The following OTOF variants were observed in gnomAD, a reference collection of about 807,000 sequenced individuals.
The protein encoded by OTOF is fer-1-like family member 2.
In OTOF, 218 loss-of-function variants were observed where a neutral mutation model predicts 236.8. The observed-to-expected ratio is 0.92, with a 90% CI of 0.82 to 1.03. The LOEUF (loss-of-function observed/expected upper bound fraction) is 1.03, where lower values mean the gene tolerates loss of function less well. Ranked by LOEUF, OTOF falls within the 50% of genes least tolerant of loss-of-function variation. The pLI, the probability that OTOF is intolerant of heterozygous loss-of-function variation, is 0.00. For missense variants in OTOF, 2,590 were observed against 2,694.4 expected (o/e 0.96, Z 0.86); for synonymous variants, 1,041 against 1,072.5 (o/e 0.97, Z 0.57).
chr2:26,479,411 G>C, intron 17 of OTOF, 27 bp from the exon 18 acceptor site: 1 of 1,610,598 alleles, frequency 6.2e-7, no homozygotes, highest in East Asian at 2.2e-5. Context: ...CGGGAGGTGA[G>C]GTCTTGGGGG....
intron 2 of OTOF, among the ~76,000 whole-genome samples, chr2:26,533,341 G>A (rs58356877): frequency 0.018 from 2,807 of 152,224 alleles, 75 homozygotes; most frequent in African/African-American, 0.058. Flanking sequence ...GGAAAGAGAC[G>A]GATTTGCAAG....
At chr2:26,557,682 G>A (rs192840471) in intron 1 of OTOF, among the ~76,000 whole-genome samples, 11 of 152,012 alleles carry the variant, frequency 7.2e-5, no homozygotes, top group Admixed American at 5.9e-4. Context: ...CTGGTCCTTC[G>A]GGTATTAGCT....
In OTOF at chr2:26,479,338, T is replaced by C. The variant is rs1236714771; in HGVS notation, c.2140A>G (p.Ile714Val). 2 of 1,612,652 alleles carry C rather than the reference T, an allele frequency of 1.2e-6. No individual in the cohort carries two copies. The highest frequency in any genetic ancestry group is 1.3e-5 in the African/African-American group (1 of 74,908). ...CGCTGGTCCGGCCACCAGCTCTTGA[T>C]GTAGATGCAGGGCTTTCGCTCCAGG... ...PYLERKPCIY[I>V]KSWWPDQRRR... The change falls in exon 18 of 47, where the codon ATC becomes GTC. Residue 714 changes from isoleucine (I) to valine (V), a missense_variant. By Grantham distance (29) the Ile-to-Val change is conservative. Coordinates refer to ENST00000272371, the MANE Select transcript of OTOF (RefSeq NM_194248.3).
At chr2:26,503,533 G>C (rs921248250) in intron 6 of OTOF, among the ~76,000 whole-genome samples, 3 of 152,254 alleles carry the variant, frequency 2.0e-5, no homozygotes, top group Non-Finnish European at 4.4e-5. Flanking sequence ...AGGAAGAACC[G>C]GGAGCAACGA....
intron 46 of OTOF, among the ~76,000 whole-genome samples, chr2:26,458,556 T>TG (rs1194630335): frequency 6.6e-6 from 1 of 152,196 alleles, no homozygotes; most frequent in East Asian, 1.9e-4. Flanking sequence ...ACGTCCTTGG[T>TG]AAGACTGGTG....
intron 3 of OTOF, among the ~76,000 whole-genome samples, chr2:26,523,563 A>C (rs1296973565): frequency 6.6e-6 from 1 of 152,136 alleles, no homozygotes; most frequent in Non-Finnish European, 1.5e-5. Flanking sequence ...TGTGATGCTG[A>C]GTGTCACCCT....
chr2:26,495,588 G>C (rs1353323104), intron 8 of OTOF, among the ~76,000 whole-genome samples: 2 of 152,096 alleles, frequency 1.3e-5, no homozygotes, highest in Non-Finnish European at 2.9e-5. Context: ...ACCACACCGG[G>C]CTAATTTTTG....
Position 26,470,753 on chromosome 2 carries a change from G to A in OTOF, c.3895-32C>T. On this transcript the variant is annotated intron_variant, in intron 31 of 46. Transcript: ENST00000272371. This position sits in a 1 kb window ranked among gnomAD's most constrained non-coding sequence, Gnocchi z 4.3. ...GTTGGCCAGGTCCAGAGTCCTACAT[G>A]GACTCCTCCTGCCTGGACAATCCCG... is the stretch of plus-strand genomic sequence containing the variant. 1 of 1,608,260 alleles carries A rather than the reference G, an allele frequency of 6.2e-7. No homozygotes were observed. The highest frequency in any genetic ancestry group is 2.2e-5 in the East Asian group (1 of 44,774).
In OTOF at chr2:26,482,245, C is replaced by T. The variant is rs376337894; in HGVS notation, c.1579+161G>A. 4.1e-4 allele frequency among the ~76,000 whole-genome samples: 63 copies of T among 152,286 alleles called. 2 individuals are homozygous for T. Among genetic ancestry groups the T allele is most frequent in the African/African-American group, 1.5e-3 (62 of 41,548 alleles). On this transcript the variant is annotated intron_variant, in intron 14 of 46. Coordinates refer to ENST00000272371, the MANE Select transcript of OTOF (RefSeq NM_194248.3). ...AGCCGACCTGAGCCACAAATCCTCACCCTCCCCCTGAGGCAGGGGCTGCTG... is the reference window on the plus strand; with the variant it reads ...AGCCGACCTGAGCCACAAATCCTCATCCTCCCCCTGAGGCAGGGGCTGCTG...
At chr2:26,480,401 G>T (rs1471232891) in intron 15 of OTOF, 90 bp from the exon 16 acceptor site, 7 of 828,380 alleles carry the variant, frequency 8.5e-6, no homozygotes, top group South Asian at 4.1e-5. Flanking sequence ...GACAGGCCGT[G>T]GGGGTGGATG....
intron 1 of OTOF, among the ~76,000 whole-genome samples, chr2:26,547,575 C>A (rs894267497): frequency 1.3e-5 from 2 of 152,196 alleles, no homozygotes; most frequent in Non-Finnish European, 2.9e-5. Context: ...GTGGCTTACA[C>A]CTGTAATCCC....
chr2:26,482,627 ATGTG>A, intron 13 of OTOF, 35 bp from the exon 14 acceptor site: 6 of 1,586,106 alleles, frequency 3.8e-6, no homozygotes, highest in Non-Finnish European at 5.2e-6. Flanking sequence ...AGGGCGTGGC[ATGTG>A]TGTGTGAGTG....
At chr2:26,509,753 T>G (rs1666337221) in intron 5 of OTOF, among the ~76,000 whole-genome samples, 1 of 152,232 alleles carries the variant, frequency 6.6e-6, no homozygotes, top group Admixed American at 6.5e-5. Context: ...ACCACACTCC[T>G]GGCTTTTCAG....
At chr2:26,486,834 G>A (rs1331050554) in intron 11 of OTOF, among the ~76,000 whole-genome samples, 2 of 152,128 alleles carry the variant, frequency 1.3e-5, no homozygotes, top group African/African-American at 4.8e-5. Flanking sequence ...AGAGATACAA[G>A]GACCACATGA....
At chr2:26,463,822 G>A (rs1448117948) in intron 40 of OTOF, 142 bp downstream of exon 40, 10 of 1,132,858 alleles carry the variant, frequency 8.8e-6, no homozygotes, top group Non-Finnish European at 1.2e-5. Context: ...TTACCCTGAG[G>A]GGCCTTGGTG....
chr2:26,531,284 G>A (rs1312284464), intron 2 of OTOF, among the ~76,000 whole-genome samples: 1 of 152,196 alleles, frequency 6.6e-6, no homozygotes, highest in African/African-American at 2.4e-5. Context: ...CAGACTGGGA[G>A]TCTCCGTGGT....
At chr2:26,475,814 G>A (rs6712188) in intron 24 of OTOF, 100 bp downstream of exon 24, 2 of 1,457,124 alleles carry the variant, frequency 1.4e-6, no homozygotes, top group South Asian at 2.5e-5. Context: ...GTGGCTCCAG[G>A]CCCCACAGGC....
rs750339210 is a variant in OTOF at position 26,495,013 on chromosome 2, A to G, written c.826T>C (p.Cys276Arg). 1 of 1,614,052 alleles carries G rather than the reference A, an allele frequency of 6.2e-7. No homozygotes were observed. Among genetic ancestry groups the G allele is most frequent in the Non-Finnish European group, 8.5e-7 (1 of 1,179,984 alleles). ...LVGLNMDPVV[C>R]VEVGDDKKYT... ...TTCTTGTCGTCACCCACCTCCACGCACACCACAGGGTCCATGTTCAAGCCC... is the reference window on the plus strand; with the variant it reads ...TTCTTGTCGTCACCCACCTCCACGCGCACCACAGGGTCCATGTTCAAGCCC... Residue 276 changes from cysteine to arginine, a missense_variant, in exon 9 of 47, where the codon TGC (cysteine) becomes CGC (arginine). Transcript: ENST00000272371.
intron 3 of OTOF, among the ~76,000 whole-genome samples, chr2:26,525,307 G>T (rs780910115): frequency 2.6e-5 from 4 of 152,310 alleles, no homozygotes; most frequent in Admixed American, 2.0e-4. Context: ...ACTCCTTGGA[G>T]CCCATATGGT....
Sources: gnomAD v4.1 joint callset for allele counts (sites outside exome capture counted in the v4.1 genomes callset) on GRCh38, gnomAD v4.1.1 for gene constraint, Gnocchi (gnomAD v3.1) non-coding constraint, MANE v1.5 for transcripts, NCBI Gene and HGNC (gene_info 2026-07-23, HGNC 2026-07-21) for gene names.